Variants in GRIK1 observed in about 807,000 individuals in gnomAD.
GRIK1 encodes glutamate receptor ionotropic, kainate 1.
Under a neutral mutation model 105.7 loss-of-function variants are expected in GRIK1, and 69 were observed. The observed-to-expected ratio is 0.65, with a 90% CI of 0.54 to 0.80. GRIK1 has a LOEUF of 0.80. Ranked by LOEUF, GRIK1 falls within the 30% of genes least tolerant of loss-of-function variation. The pLI is 0.00. For synonymous variants in GRIK1, 438 were observed against 431.3 expected (o/e 1.02, Z -0.19); for missense variants, 1,109 against 1,167.3 (o/e 0.95, Z 0.73).
intron 1 of GRIK1, among the ~76,000 whole-genome samples, chr21:29,820,148 T>C (rs2067260028): frequency 6.6e-6 from 1 of 152,138 alleles, no homozygotes; most frequent in Non-Finnish European, 1.5e-5. Context: ...TTTGCACACA[T>C]ATGTGGGTCC....
At chr21:29,568,570 C>T (rs2090665238) in intron 14 of GRIK1, among the ~76,000 whole-genome samples, 1 of 152,210 alleles carries the variant, frequency 6.6e-6, no homozygotes, top group Non-Finnish European at 1.5e-5. Flanking sequence ...TTATCCAAGT[C>T]ATTTTAGACT....
chr21:29,665,737 G>C (rs1178891199), intron 4 of GRIK1, among the ~76,000 whole-genome samples: 1 of 152,186 alleles, frequency 6.6e-6, no homozygotes, highest in Non-Finnish European at 1.5e-5. Flanking sequence ...GAGTTGAAGA[G>C]GCATCAACAG....
chr21:29,560,574 T>TTCTTTCTTTCTTTCTC, intron 15 of GRIK1, among the ~76,000 whole-genome samples: 1 of 124,180 alleles, frequency 8.1e-6, no homozygotes, highest in East Asian at 2.2e-4. Context: ...CTTTCTTTCT[T>TTCTTTCTTTCTTTCTC]TCTCTCTTTC....
intron 1 of GRIK1, among the ~76,000 whole-genome samples, chr21:29,898,972 C>CAAAA (rs35671611): frequency 2.6e-3 from 374 of 145,284 alleles, no homozygotes; most frequent in South Asian, 0.012. Flanking sequence ...AACTCCGTCT[C>CAAAA]AAAAAAAAAA....
intron 1 of GRIK1, among the ~76,000 whole-genome samples, chr21:29,859,131 A>G (rs1392175434): frequency 1.4e-5 from 2 of 146,158 alleles, no homozygotes; most frequent in Non-Finnish European, 3.0e-5. Context: ...CAAACACCGC[A>G]TGTTCTCACT....
At chr21:29,702,065 T>TA (rs2063822383) in intron 1 of GRIK1, among the ~76,000 whole-genome samples, 1 of 152,144 alleles carries the variant, frequency 6.6e-6, no homozygotes, top group Non-Finnish European at 1.5e-5. Context: ...AGACCACGTG[T>TA]TCTCATGTAT....
At chr21:29,742,647 A>G (rs1346515564) in intron 1 of GRIK1, among the ~76,000 whole-genome samples, 1 of 152,240 alleles carries the variant, frequency 6.6e-6, no homozygotes, top group Non-Finnish European at 1.5e-5. Flanking sequence ...TCATGTATAC[A>G]GTCAAATTTA....
At chr21:29,804,680 T>A (rs1415030293) in intron 1 of GRIK1, among the ~76,000 whole-genome samples, 1 of 152,196 alleles carries the variant, frequency 6.6e-6, no homozygotes, top group Non-Finnish European at 1.5e-5. Flanking sequence ...CATTTGCTAC[T>A]TTTAAAAAGT....
At chr21:29,757,555 T>A (rs964524552) in intron 1 of GRIK1, among the ~76,000 whole-genome samples, 3 of 152,144 alleles carry the variant, frequency 2.0e-5, no homozygotes, top group Non-Finnish European at 4.4e-5. Context: ...ATGACTAAAT[T>A]TTTTCCTAAT....
chr21:29,829,252 T>C (rs1764688700), intron 1 of GRIK1, among the ~76,000 whole-genome samples: 1 of 152,202 alleles, frequency 6.6e-6, no homozygotes. Flanking sequence ...TCATCACTTT[T>C]AAAAGGAACC....
At chr21:29,882,259 T>C (rs1206044137) in intron 1 of GRIK1, among the ~76,000 whole-genome samples, 3 of 152,186 alleles carry the variant, frequency 2.0e-5, no homozygotes, top group African/African-American at 7.2e-5. Context: ...CATGGTTCCC[T>C]GATGACTACC....
At chr21:29,848,779 A>ATATATATATTTT in intron 1 of GRIK1, among the ~76,000 whole-genome samples, 67 of 77,856 alleles carry the variant, frequency 8.6e-4, no homozygotes, top group South Asian at 2.1e-3. Flanking sequence ...ATATATATAT[A>ATATATATATTTT]TTTTTTTTTT....
At chr21:29,925,148 A>T (rs2071319786) in intron 1 of GRIK1, among the ~76,000 whole-genome samples, 1 of 152,196 alleles carries the variant, frequency 6.6e-6, no homozygotes, top group Non-Finnish European at 1.5e-5. Flanking sequence ...GAAACACACC[A>T]CTGATTTGAT....
intron 1 of GRIK1, among the ~76,000 whole-genome samples, chr21:29,919,003 T>C (rs781100191): frequency 1.8e-4 from 27 of 151,790 alleles, no homozygotes; most frequent in Non-Finnish European, 3.5e-4. Flanking sequence ...GCAACAGCTC[T>C]AAGCTACCAG....
intron 14 of GRIK1, 121 bp from the exon 15 acceptor site, chr21:29,561,970 A>C: frequency 1.5e-6 from 1 of 654,306 alleles, no homozygotes; most frequent in South Asian, 1.8e-5. Flanking sequence ...CAGGTGGGGG[A>C]GTCAAGATTG....
intron 1 of GRIK1, among the ~76,000 whole-genome samples, chr21:29,829,960 T>C (rs2067579802): frequency 6.6e-6 from 1 of 152,064 alleles, no homozygotes; most frequent in African/African-American, 2.4e-5. Flanking sequence ...AAAAAAAATG[T>C]GTTGCTTCTT....
In GRIK1 at chr21:29,858,705, G is replaced by C. The variant is rs116467092; in HGVS notation, c.118+80678C>G. Among the ~76,000 whole-genome samples, 42 of 152,182 alleles carry C rather than the reference G, an allele frequency of 2.8e-4. No homozygotes were observed. The East Asian group carries it at 5.0e-3, about 18-fold the overall frequency. ...TAGCTCATGATACCACTCCTGCCAA[G>C]CCATGCCTGTAGCTCTGCTCAGTGA... On this transcript the variant is annotated intron_variant, in intron 1 of 17. Coordinates refer to ENST00000327783, the MANE Select transcript of GRIK1 (RefSeq NM_001330994.2).
At chr21:29,775,325 GA>G (rs915645502) in intron 1 of GRIK1, among the ~76,000 whole-genome samples, 51 of 146,336 alleles carry the variant, frequency 3.5e-4, no homozygotes, top group African/African-American at 1.1e-3. Flanking sequence ...TTTGTCAATA[GA>G]TGGCCTTAAA....
chr21:29,568,031 G>C (rs990214449), intron 14 of GRIK1, among the ~76,000 whole-genome samples: 6 of 152,078 alleles, frequency 3.9e-5, no homozygotes, highest in African/African-American at 1.4e-4. Context: ...ATTCCCTTTA[G>C]AAAATTCCCT....
Sources: gnomAD v4.1 joint callset for allele counts (sites outside exome capture counted in the v4.1 genomes callset) on GRCh38, gnomAD v4.1.1 for gene constraint, MANE v1.5 for transcripts, NCBI Gene and HGNC (gene_info 2026-07-23, HGNC 2026-07-21) for gene names.